The following GXYLT2 variants were observed in gnomAD, a reference collection of about 807,000 sequenced individuals.
The protein encoded by GXYLT2 is glycosyltransferase 8 domain containing 4.
In GXYLT2, 53 loss-of-function variants were observed where a neutral mutation model predicts 45.8. That is an observed-to-expected ratio of 1.16 (90% CI 0.93 to 1.46). GXYLT2 has a LOEUF of 1.46. GXYLT2 is among the 40% of genes most tolerant of loss of function. The pLI is 0.00. For missense variants in GXYLT2, 551 were observed against 544.4 expected (o/e 1.01, Z -0.12); for synonymous variants, 219 against 214.2 (o/e 1.02, Z -0.19).
At chr3:72,966,240 A>G (rs1710862462) in intron 5 of GXYLT2, among the ~76,000 whole-genome samples, 1 of 150,906 alleles carries the variant, frequency 6.6e-6, no homozygotes, top group South Asian at 2.1e-4. Flanking sequence ...CAGCCTTCCA[A>G]AGTGCTGGGA....
chr3:72,959,809 G>A (rs1014944000), intron 5 of GXYLT2, among the ~76,000 whole-genome samples: 8 of 150,644 alleles, frequency 5.3e-5, no homozygotes, highest in Non-Finnish European at 1.2e-4. Context: ...TAATTTTTGT[G>A]CTTTTAGTAG....
At chr3:72,914,801 CA>C (rs1214086932) in intron 2 of GXYLT2, among the ~76,000 whole-genome samples, 1 of 152,146 alleles carries the variant, frequency 6.6e-6, no homozygotes, top group Non-Finnish European at 1.5e-5. Context: ...CAAGCTGGAT[CA>C]GGGCATGACC....
At chr3:72,902,408 T>C (rs940415954) in intron 1 of GXYLT2, among the ~76,000 whole-genome samples, 40 of 152,230 alleles carry the variant, frequency 2.6e-4, no homozygotes, top group African/African-American at 9.2e-4. Context: ...AAATAGAAGA[T>C]AATTGTCAAA....
At chr3:72,965,493 A>G (rs1710850196) in intron 5 of GXYLT2, among the ~76,000 whole-genome samples, 2 of 152,182 alleles carry the variant, frequency 1.3e-5, no homozygotes, top group African/African-American at 2.4e-5. Flanking sequence ...ACACATTTGC[A>G]GAGAGCTTTG....
At chr3:72,913,992 G>A (rs140629638) in intron 2 of GXYLT2, among the ~76,000 whole-genome samples, 1,549 of 152,144 alleles carry the variant, frequency 0.01, 37 homozygotes, top group African/African-American at 0.036. Context: ...TAGAACAGCC[G>A]TTTTGGGTCC....
rs945731190 is a variant in GXYLT2 at position 72,888,151 on chromosome 3, C to G, written c.-83C>G. On this transcript the variant is annotated 5_prime_UTR_variant, in exon 1 of 7. Transcript: ENST00000389617. ...GCGGGCGGAGGAGGCGACCGCCGCG[C>G]GCTGCTGCACTCATCCTGCCGCCGC... 6.1e-5 allele frequency: 57 copies of G among 927,136 alleles called. No individual in the cohort carries two copies. Among genetic ancestry groups the G allele is most frequent in the African/African-American group, 9.0e-5 (5 of 55,468 alleles). The allele number at this position is 927,136 out of a possible 1,614,324, so 57.4% of individuals were successfully genotyped here.
intron 3 of GXYLT2, among the ~76,000 whole-genome samples, chr3:72,951,669 G>A (rs1575809386): frequency 6.6e-6 from 1 of 152,104 alleles, no homozygotes; most frequent in Non-Finnish European, 1.5e-5. Flanking sequence ...GGCTACTTTT[G>A]TGTGTTCCTT....
intron 3 of GXYLT2, among the ~76,000 whole-genome samples, chr3:72,945,649 A>G (rs1179223527): frequency 6.6e-6 from 1 of 152,206 alleles, no homozygotes; most frequent in Non-Finnish European, 1.5e-5. Flanking sequence ...CTGAGTGTTC[A>G]AGAATAATGA....
intron 2 of GXYLT2, among the ~76,000 whole-genome samples, chr3:72,918,796 C>G (rs1340212089): frequency 6.6e-6 from 1 of 151,872 alleles, no homozygotes; most frequent in Non-Finnish European, 1.5e-5. Context: ...CCACTGCACT[C>G]CAGCTTGGGC....
At chr3:72,957,134 C>A in intron 4 of GXYLT2, 95 bp from the exon 5 acceptor site, 1 of 1,290,036 alleles carries the variant, frequency 7.8e-7, no homozygotes, top group Non-Finnish European at 1.1e-6. Flanking sequence ...TTTCCCTCCT[C>A]TGAAGGGAAG....
chr3:72,895,748 G>A (rs776907195), intron 1 of GXYLT2, among the ~76,000 whole-genome samples: 22 of 152,214 alleles, frequency 1.4e-4, no homozygotes, highest in Non-Finnish European at 3.1e-4. Flanking sequence ...ATGAAGTTCC[G>A]AAAACTCCTC....
At chr3:72,921,952 T>G (rs1559735285) in intron 2 of GXYLT2, among the ~76,000 whole-genome samples, 1 of 152,202 alleles carries the variant, frequency 6.6e-6, no homozygotes, top group Non-Finnish European at 1.5e-5. Context: ...TTTTGGAAGT[T>G]TGTTCAAATC....
intron 3 of GXYLT2, among the ~76,000 whole-genome samples, chr3:72,928,893 T>G (rs1042962591): frequency 1.3e-5 from 2 of 152,214 alleles, no homozygotes; most frequent in Admixed American, 6.5e-5. Flanking sequence ...TCAACAGTGC[T>G]TGGACGGAAC....
intron 5 of GXYLT2, among the ~76,000 whole-genome samples, chr3:72,963,118 C>T (rs1368771143): frequency 6.6e-6 from 1 of 151,838 alleles, no homozygotes; most frequent in Non-Finnish European, 1.5e-5. Flanking sequence ...CCAAGACCAG[C>T]CTGGGCAACG....
intron 6 of GXYLT2, 69 bp from the exon 7 acceptor site, chr3:72,974,908 A>G: frequency 1.8e-6 from 2 of 1,134,026 alleles, no homozygotes; most frequent in Non-Finnish European, 2.6e-6. Flanking sequence ...GTCATTTCTT[A>G]GTAAAAATGA....
At chr3:72,910,507 G>A (rs1709595632) in intron 2 of GXYLT2, among the ~76,000 whole-genome samples, 1 of 152,142 alleles carries the variant, frequency 6.6e-6, no homozygotes, top group South Asian at 2.1e-4. Context: ...TGGTAGATCT[G>A]TAATATGGAT....
intron 1 of GXYLT2, among the ~76,000 whole-genome samples, chr3:72,900,749 T>TA (rs2107067705): frequency 1.3e-5 from 2 of 152,280 alleles, no homozygotes; most frequent in East Asian, 3.9e-4. Context: ...ATACTACCAT[T>TA]ACCTGCTTTA....
intron 2 of GXYLT2, 97 bp from the exon 3 acceptor site, chr3:72,922,107 C>T (rs1464417615): frequency 1.8e-6 from 2 of 1,090,282 alleles, no homozygotes; most frequent in Admixed American, 2.2e-5. Context: ...GTGTAAGTTG[C>T]CTGAATAATT....
intron 1 of GXYLT2, among the ~76,000 whole-genome samples, chr3:72,902,715 GGTGGCTCATGCC>G (rs1709431338): frequency 3.8e-5 from 3 of 79,956 alleles, no homozygotes; most frequent in Non-Finnish European, 6.8e-5. Flanking sequence ...GGCCAGGTGC[GGTGGCTCATGCC>G]TGTACTTCCA....
Sources: allele counts gnomAD v4.1 joint callset (sites outside exome capture counted in the v4.1 genomes callset), GRCh38; gene constraint gnomAD v4.1.1; transcripts MANE v1.5; gene names NCBI Gene and HGNC (gene_info 2026-07-23, HGNC 2026-07-21).